Variants in ARHGEF28 observed in about 807,000 individuals in gnomAD.
ARHGEF28 encodes the protein 190 kDa guanine nucleotide exchange factor.
ARHGEF28 carries 152 observed loss-of-function variants against 206.6 expected under a neutral mutation model. The ratio of observed to expected loss-of-function variants is 0.74; its 90% CI spans 0.64 to 0.84. The LOEUF is 0.84. Among genes scored for constraint, ARHGEF28 ranks in the 40% least tolerant of loss-of-function variants. The pLI, the probability that ARHGEF28 is intolerant of heterozygous loss-of-function variation, is 0.00. For synonymous variants in ARHGEF28, 763 were observed against 776.4 expected, an observed-to-expected ratio of 0.98 and a Z score of 0.29; for missense variants, 2,028 against 2,073.2, an observed-to-expected ratio of 0.98 and a Z score of 0.42.
At chr5:73,759,372 T>A (rs1752481922) in intron 4 of ARHGEF28, among the ~76,000 whole-genome samples, 1 of 152,188 alleles carries the variant, frequency 6.6e-6, no homozygotes, top group East Asian at 1.9e-4. Flanking sequence ...CCCACACATG[T>A]AATGTATAGG....
chr5:73,835,144 C>T (rs1294273432), intron 10 of ARHGEF28: 3 of 151,990 alleles, frequency 2.0e-5, no homozygotes, highest in African/African-American at 7.2e-5. Flanking sequence ...ATAATTTAAC[C>T]AATCATGCCT....
chr5:73,923,277 AGCATGGT>A, intron 35 of ARHGEF28: 1 of 931,746 alleles, frequency 1.1e-6, no homozygotes, highest in Non-Finnish European at 1.5e-6. Flanking sequence ...TCTGAGATAA[AGCATGGT>A]AAAAAAAAAT....
chr5:73,852,801 A>G (rs1263690756), intron 14 of ARHGEF28, 109 bp downstream of exon 14: 2 of 1,186,862 alleles, frequency 1.7e-6, no homozygotes, highest in Non-Finnish European at 2.5e-6. Context: ...GTTTCCATGT[A>G]ACAAGCCTGC....
At chr5:73,652,945 T>C (rs140890488) in intron 1 of ARHGEF28, among the ~76,000 whole-genome samples, 2 of 152,328 alleles carry the variant, frequency 1.3e-5, no homozygotes, top group African/African-American at 4.8e-5. Flanking sequence ...ACATCTTCCA[T>C]TGTTAAGGGA....
intron 1 of ARHGEF28, among the ~76,000 whole-genome samples, chr5:73,674,008 T>TAA (rs35528097): frequency 0.028 from 3,703 of 134,290 alleles, 202 homozygotes; most frequent in African/African-American, 0.096. Context: ...TCCATCTCTT[T>TAA]AAAAAAAAAA....
chr5:73,752,950 T>A lies in ARHGEF28; in HGVS notation c.223T>A (p.Cys75Ser). The A allele has an allele frequency of 6.2e-7, 1 of 1,613,950 alleles. No homozygotes were observed. Among genetic ancestry groups the A allele is most frequent in the Non-Finnish European group, 8.5e-7 (1 of 1,179,874 alleles). Residue 75 changes from cysteine to serine, a missense_variant, in exon 4 of 36, where the codon TGC becomes AGC. By Grantham distance (112) the Cys-to-Ser change is moderately radical. This residue lies in a region of ARHGEF28 where 1,002 missense variants were observed against 1,015.3 expected (regional missense o/e 0.99). Coordinates refer to ENST00000513042, the MANE Select transcript of ARHGEF28 (RefSeq NM_001177693.2). The part of the protein sequence containing the change: ...QETVTVSVCL[C>S]SEGYSPVTMG... ...GACGGTGACGGTATCTGTGTGCCTC[T>A]GCTCGGAAGGTTACTCTCCGGTGAC...
intron 9 of ARHGEF28, among the ~76,000 whole-genome samples, chr5:73,818,541 C>G (rs987088103): frequency 3.9e-5 from 6 of 152,086 alleles, no homozygotes; most frequent in Non-Finnish European, 7.4e-5. Context: ...GGAAGGGAAA[C>G]ATTTTTCTAA....
chr5:73,931,260 T>G (rs1180465394), intron 35 of ARHGEF28, among the ~76,000 whole-genome samples: 1 of 152,238 alleles, frequency 6.6e-6, no homozygotes, highest in East Asian at 1.9e-4. Context: ...GTTCTTACTT[T>G]CTGGATAATT....
intron 35 of ARHGEF28, among the ~76,000 whole-genome samples, chr5:73,927,265 T>C (rs907894425): frequency 6.6e-6 from 1 of 151,962 alleles, no homozygotes; most frequent in Non-Finnish European, 1.5e-5. Context: ...TAGTCTTAGC[T>C]ACTTGGGGGG....
chr5:73,688,635 T>G (rs6874316), intron 2 of ARHGEF28, among the ~76,000 whole-genome samples: 1 of 151,856 alleles, frequency 6.6e-6, no homozygotes, highest in Admixed American at 6.6e-5. Flanking sequence ...TTTTTTCTTT[T>G]TGGGGAGAGA....
chr5:73,799,927 T>C (rs956753676), intron 9 of ARHGEF28, among the ~76,000 whole-genome samples: 1 of 152,176 alleles, frequency 6.6e-6, no homozygotes, highest in Admixed American at 6.5e-5. Context: ...CTTCCAGGTC[T>C]GGCTGGTAGA....
intron 10 of ARHGEF28, among the ~76,000 whole-genome samples, chr5:73,836,659 G>GT (rs1561442924): frequency 6.6e-6 from 1 of 151,938 alleles, no homozygotes; most frequent in Non-Finnish European, 1.5e-5. Context: ...AGATTTTTTG[G>GT]TTTGGTGTAG....
rs1011249046 is a variant in ARHGEF28, at chr5:73,707,784, A to G, written c.33+22900A>G. On this transcript the variant is annotated intron_variant, in intron 2 of 35. Transcript: ENST00000513042. The stretch of plus-strand genomic sequence containing the variant: ...TTCTAATTAAGCTAAATACAAAGAG[A>G]AAACCCAAAATGAACATAGTACCTA... 3.3e-5 allele frequency among the ~76,000 whole-genome samples: 5 copies of G among 152,210 alleles called. No homozygotes were observed. The East Asian group carries it at 5.8e-4, about 18-fold the overall frequency.
At chr5:73,893,785 C>T (rs1368985984) in intron 28 of ARHGEF28, among the ~76,000 whole-genome samples, 1 of 152,168 alleles carries the variant, frequency 6.6e-6, no homozygotes, top group Non-Finnish European at 1.5e-5. Flanking sequence ...GAATCTGTGG[C>T]AGGTGGGATG....
chr5:73,660,419 T>C (rs1487320319), intron 1 of ARHGEF28, among the ~76,000 whole-genome samples: 2 of 152,214 alleles, frequency 1.3e-5, no homozygotes, highest in African/African-American at 4.8e-5. Flanking sequence ...ATCCACGTCA[T>C]CCACGAGGGT....
chr5:73,932,033 G>A (rs1051804708), intron 35 of ARHGEF28, among the ~76,000 whole-genome samples: 1 of 152,162 alleles, frequency 6.6e-6, no homozygotes, highest in Non-Finnish European at 1.5e-5. Context: ...GAAGCTTTTG[G>A]TGTTAAAATG....
chr5:73,796,169 T>A (rs1754793720), intron 9 of ARHGEF28, among the ~76,000 whole-genome samples: 1 of 152,200 alleles, frequency 6.6e-6, no homozygotes, highest in East Asian at 1.9e-4. Context: ...CAGGCTGAGC[T>A]ATCAGCAGAG....
chr5:73,883,793 A>G lies in ARHGEF28; in HGVS notation c.2964A>G (p.Arg988=). 6.4e-7 allele frequency: 1 copy of G among 1,565,780 alleles called. No homozygotes were observed. Among genetic ancestry groups the G allele is most frequent in the Admixed American group, 1.9e-5 (1 of 53,260 alleles). The change falls in exon 24 of 36, where the codon CGA becomes CGG. Residue 988 remains arginine (R), a synonymous_variant. Transcript: ENST00000513042. ...TCCGAAATAGTAATCTTTTGGCTCG[A>G]CGCCGAGGAATTCCAGAATGCATTC... ...IKLRNSNLLA[R]RRGIPECILL...
At chr5:73,691,119 G>A (rs540599737) in intron 2 of ARHGEF28, among the ~76,000 whole-genome samples, 1 of 152,086 alleles carries the variant, frequency 6.6e-6, no homozygotes, top group Non-Finnish European at 1.5e-5. Flanking sequence ...TTGTAGAGAT[G>A]GGGTCTTGCC....
Sources: gnomAD v4.1 joint callset for allele counts (sites outside exome capture counted in the v4.1 genomes callset) on GRCh38, gnomAD v4.1.1 for gene constraint, gnomAD v4.1.1 regional missense constraint, MANE v1.5 for transcripts, NCBI Gene and HGNC (gene_info 2026-07-23, HGNC 2026-07-21) for gene names.